IQGAP1: variants seen among roughly 807,000 people sequenced by gnomAD.
IQGAP1 encodes ras GTPase-activating-like protein IQGAP1.
A neutral mutation model predicts 215.6 loss-of-function variants in IQGAP1; 66 were observed. That is an observed-to-expected ratio of 0.31 (90% CI 0.25 to 0.38). The LOEUF (loss-of-function observed/expected upper bound fraction) is 0.38, where lower values mean the gene tolerates loss of function less well. Among genes scored for constraint, IQGAP1 ranks in the 10% least tolerant of loss-of-function variants. The pLI, the probability that IQGAP1 is intolerant of heterozygous loss-of-function variation, is 1.00. For synonymous variants in IQGAP1, 772 were observed against 728.7 expected (o/e 1.06, Z -0.96); for missense variants, 1,712 against 1,997.1 (o/e 0.86, Z 2.72).
intron 5 of IQGAP1, among the ~76,000 whole-genome samples, chr15:90,436,781 T>C (rs1008760474): frequency 6.6e-6 from 1 of 152,244 alleles, no homozygotes; most frequent in Non-Finnish European, 1.5e-5. Flanking sequence ...AGGACTTAAC[T>C]GGCCGTTTTG....
At chr15:90,409,654 T>C (rs992688298) in intron 2 of IQGAP1, among the ~76,000 whole-genome samples, 4 of 152,208 alleles carry the variant, frequency 2.6e-5, no homozygotes, top group African/African-American at 2.4e-5. Flanking sequence ...GGATTGCAAG[T>C]GTGAGCCACT....
At chr15:90,402,777 TGAAAA>T (rs539413586) in intron 2 of IQGAP1, among the ~76,000 whole-genome samples, 1 of 151,108 alleles carries the variant, frequency 6.6e-6, no homozygotes. Context: ...AAGGAAAAGT[TGAAAA>T]GAAGAGAAAA....
chr15:90,499,051 C>T (rs1004370350), intron 37 of IQGAP1, among the ~76,000 whole-genome samples: 5 of 152,098 alleles, frequency 3.3e-5, no homozygotes, highest in African/African-American at 1.2e-4. Flanking sequence ...CTCGTGACTT[C>T]GTGATCCGCC....
At chr15:90,481,542 G>A (rs1966059313) in intron 26 of IQGAP1, among the ~76,000 whole-genome samples, 1 of 151,696 alleles carries the variant, frequency 6.6e-6, no homozygotes, top group Non-Finnish European at 1.5e-5. Context: ...CTTTTTTCCT[G>A]AGTTCAAGCA....
chr15:90,404,540 A>G (rs896074823), intron 2 of IQGAP1, among the ~76,000 whole-genome samples: 1 of 151,840 alleles, frequency 6.6e-6, no homozygotes, highest in African/African-American at 2.4e-5. Flanking sequence ...AGCTCTTTAT[A>G]TATTGAGGAA....
At chr15:90,446,591 GT>G (rs1405917629) in intron 9 of IQGAP1, among the ~76,000 whole-genome samples, 1 of 152,170 alleles carries the variant, frequency 6.6e-6, no homozygotes, top group Non-Finnish European at 1.5e-5. Flanking sequence ...TAAAAGGACA[GT>G]CTTTTCCTAA....
At chr15:90,452,203 T>C (rs1457722344) in intron 11 of IQGAP1, among the ~76,000 whole-genome samples, 1 of 152,104 alleles carries the variant, frequency 6.6e-6, no homozygotes, top group Non-Finnish European at 1.5e-5. Flanking sequence ...CATGATTTGT[T>C]AGGGAAATAT....
chr15:90,471,631 C>T (rs1212415), intron 18 of IQGAP1, among the ~76,000 whole-genome samples: 2 of 152,046 alleles, frequency 1.3e-5, no homozygotes, highest in African/African-American at 4.8e-5. Context: ...TCCCCAGTAG[C>T]TGGGATTACA....
chr15:90,490,516 T>C (rs1204368900), intron 33 of IQGAP1, among the ~76,000 whole-genome samples: 1 of 152,074 alleles, frequency 6.6e-6, no homozygotes, highest in African/African-American at 2.4e-5. Flanking sequence ...CCCTGTTAGA[T>C]TGTGGTGTCT....
rs781452117 is a variant in IQGAP1 at position 90,473,975 on chromosome 15, C to A, written c.2505+8C>A. Reference sequence around the variant, plus strand: ...CAGTACTTCCGGGACCATGTAAGCACCCTTGGATCATACAGGCCATTAGGG... The same window carrying A: ...CAGTACTTCCGGGACCATGTAAGCAACCTTGGATCATACAGGCCATTAGGG... On this transcript the variant is annotated splice_region_variant and intron_variant, in intron 21 of 37. Coordinates refer to ENST00000268182, the MANE Select transcript of IQGAP1 (RefSeq NM_003870.4). 6.2e-7 allele frequency: 1 copy of A among 1,613,798 alleles called. No individual in the cohort carries two copies. Among genetic ancestry groups the A allele is most frequent in the South Asian group, 1.1e-5 (1 of 91,072 alleles).
chr15:90,429,382 CTA>C (rs1965271383), intron 3 of IQGAP1, among the ~76,000 whole-genome samples: 1 of 152,150 alleles, frequency 6.6e-6, no homozygotes, highest in Non-Finnish European at 1.5e-5. Context: ...GTTGAGCACA[CTA>C]TACACAAGAA....
In IQGAP1 at chr15:90,444,287, A is replaced by T. The variant is rs868516154; in HGVS notation, c.913+809A>T. ...TGTGTGTGTGTGTGTGTGTATATATATATTTTTTTTTTTCTTTAAGAGACA... is the reference window on the plus strand; with the variant it reads ...TGTGTGTGTGTGTGTGTGTATATATTTATTTTTTTTTTTCTTTAAGAGACA... On this transcript the variant is annotated intron_variant, in intron 9 of 37. Coordinates refer to ENST00000268182, the MANE Select transcript of IQGAP1 (RefSeq NM_003870.4). 4.5e-3 allele frequency among the ~76,000 whole-genome samples: 409 copies of T among 90,988 alleles called. 5 individuals are homozygous for T. The highest frequency in any genetic ancestry group is 0.016 in the East Asian group (59 of 3,694). The allele number at this position is 90,988 out of a possible 152,430, so 59.7% of individuals were successfully genotyped here. A position where few individuals can be genotyped will look rare whatever the true frequency, so the allele number is the denominator to read the frequency against.
chr15:90,440,639 G>T (rs2151019039), intron 7 of IQGAP1, 24 bp downstream of exon 7: 6 of 1,412,392 alleles, frequency 4.2e-6, no homozygotes, highest in Non-Finnish European at 5.9e-6. Flanking sequence ...AATTTTGTGG[G>T]TTCAACTGGG....
chr15:90,430,989 TATATA>T (rs900622221), intron 4 of IQGAP1, among the ~76,000 whole-genome samples: 1 of 148,050 alleles, frequency 6.8e-6, no homozygotes, highest in Non-Finnish European at 1.5e-5. Context: ...TTTACAATAT[TATATA>T]ATATACAATA....
Position 90,500,230 on chromosome 15 carries a change from A to T in IQGAP1, c.*122A>T. ...CAACAACAGCACCTCAATCTGATAC[A>T]CTCCCGATGCCACATTTTTAACTCC... is the stretch of plus-strand genomic sequence containing the variant. On this transcript the variant is annotated 3_prime_UTR_variant, in exon 38 of 38. Coordinates refer to ENST00000268182, the MANE Select transcript of IQGAP1 (RefSeq NM_003870.4). 1.6e-6 allele frequency: 1 copy of T among 609,126 alleles called. No individual in the cohort carries two copies. Among genetic ancestry groups the T allele is most frequent in the Non-Finnish European group, 3.0e-6 (1 of 335,992 alleles). 37.7% of individuals were successfully genotyped at this position (609,126 alleles called of 1,614,324 possible). A position where few individuals can be genotyped will look rare whatever the true frequency, so the allele number is the denominator to read the frequency against.
chr15:90,435,275 G>A (rs949244870), intron 5 of IQGAP1, among the ~76,000 whole-genome samples: 11 of 152,098 alleles, frequency 7.2e-5, no homozygotes, highest in African/African-American at 2.7e-4. Context: ...CCAGGAGTTA[G>A]AGACCATCCT....
At chr15:90,390,632 T>C (rs1317965283) in intron 1 of IQGAP1, 142 bp from the exon 2 acceptor site, 2 of 562,216 alleles carry the variant, frequency 3.6e-6, no homozygotes, top group Non-Finnish European at 6.5e-6. Flanking sequence ...AAGAAAGTCA[T>C]TGTAGTACAC....
rs1966123576 is a variant in IQGAP1, at chr15:90,486,147, T to G, written c.4024+15T>G. ...GTCCCTGATAGGTAGAGTTCTAACT[T>G]TTGCCTGGAAGATCAAAAGGGAATG... On this transcript the variant is annotated intron_variant, in intron 31 of 37. Transcript: ENST00000268182. 5 of 1,587,742 alleles carry G rather than the reference T, an allele frequency of 3.1e-6. No individual in the cohort carries two copies. Among genetic ancestry groups the G allele is most frequent in the Non-Finnish European group, 4.3e-6 (5 of 1,158,266 alleles).
intron 4 of IQGAP1, among the ~76,000 whole-genome samples, chr15:90,433,301 T>A (rs1038300244): frequency 6.6e-6 from 1 of 152,222 alleles, no homozygotes; most frequent in South Asian, 2.1e-4. Flanking sequence ...TGTTGAGTTG[T>A]TTCTCCATCT....
Sources: gnomAD v4.1 joint callset for allele counts (sites outside exome capture counted in the v4.1 genomes callset) on GRCh38, gnomAD v4.1.1 for gene constraint, MANE v1.5 for transcripts, NCBI Gene and HGNC (gene_info 2026-07-23, HGNC 2026-07-21) for gene names.